The following RCL1 variants were observed in gnomAD, a reference collection of about 807,000 sequenced individuals.
RCL1 encodes the protein RNA 3'-terminal phosphate cyclase-like protein.
Under a neutral mutation model 42.4 loss-of-function variants are expected in RCL1, and 24 were observed. The ratio of observed to expected loss-of-function variants is 0.57; its 90% CI spans 0.41 to 0.80. RCL1 has a LOEUF of 0.80. Ranked by LOEUF, RCL1 falls within the 30% of genes least tolerant of loss-of-function variation. RCL1 has a pLI of 0.00. For missense variants in RCL1, 578 were observed against 467.9 expected (o/e 1.24, Z -2.17); for synonymous variants, 228 against 177.3 (o/e 1.29, Z -2.27).
At chr9:4,828,831 G>T (rs964349693) in intron 3 of RCL1, among the ~76,000 whole-genome samples, 5 of 152,144 alleles carry the variant, frequency 3.3e-5, no homozygotes, top group African/African-American at 1.2e-4. Flanking sequence ...GACCCAAAAA[G>T]TCTGTTTTCA....
At chr9:4,860,079 T>C (rs1468684998) in intron 8 of RCL1, 46 bp from the exon 9 acceptor site, 10 of 1,366,178 alleles carry the variant, frequency 7.3e-6, no homozygotes, top group Non-Finnish European at 9.8e-6. Context: ...AATTTTTTTT[T>C]GAATGAATTT....
Position 4,809,086 on chromosome 9 carries a change from A to C in RCL1, c.137-14462A>C, listed in dbSNP as rs1352091204. ...AAGAATATTATCATTATTCCATTGCAGTATATGAGCTTCTTAAGGTTTTTT... is the reference window on the plus strand; with the variant it reads ...AAGAATATTATCATTATTCCATTGCCGTATATGAGCTTCTTAAGGTTTTTT... On this transcript the variant is annotated intron_variant, in intron 1 of 8. Coordinates refer to ENST00000381750, the MANE Select transcript of RCL1 (RefSeq NM_005772.5). Among the ~76,000 whole-genome samples, 3 of 151,776 alleles carry C rather than the reference A, an allele frequency of 2.0e-5. No homozygotes were observed. In the East Asian group the frequency reaches 5.8e-4, roughly 29 times the overall value.
intron 3 of RCL1, chr9:4,827,307 G>C: frequency 8.8e-7 from 1 of 1,142,318 alleles, no homozygotes; most frequent in Non-Finnish European, 1.2e-6. Flanking sequence ...CATCATAGTT[G>C]ACATGAACTA....
intron 8 of RCL1, among the ~76,000 whole-genome samples, chr9:4,858,504 C>G (rs1010912164): frequency 4.6e-5 from 7 of 152,174 alleles, no homozygotes; most frequent in Non-Finnish European, 8.8e-5. Context: ...GCTCTTACAG[C>G]TATGACTTTG....
intron 3 of RCL1, among the ~76,000 whole-genome samples, chr9:4,828,870 GC>G (rs1245064244): frequency 3.3e-5 from 5 of 152,204 alleles, no homozygotes; most frequent in African/African-American, 9.7e-5. Context: ...GCTTTTGCCA[GC>G]TGCATGACTA....
At chr9:4,819,046 G>T (rs1002314656) in intron 1 of RCL1, among the ~76,000 whole-genome samples, 1 of 152,134 alleles carries the variant, frequency 6.6e-6, no homozygotes, top group African/African-American at 2.4e-5. Flanking sequence ...TTTAAATCAT[G>T]TTGGAATATC....
At chr9:4,820,174 T>G (rs994020935) in intron 1 of RCL1, among the ~76,000 whole-genome samples, 2 of 152,158 alleles carry the variant, frequency 1.3e-5, no homozygotes, top group South Asian at 2.1e-4. Context: ...TCCCTGAACG[T>G]TTTGAGATAC....
intron 1 of RCL1, among the ~76,000 whole-genome samples, chr9:4,815,076 A>G (rs913601084): frequency 2.6e-5 from 4 of 152,094 alleles, no homozygotes; most frequent in African/African-American, 4.8e-5. Context: ...CAGTTTAACT[A>G]TTAATATGCC....
At chr9:4,859,440 A>G (rs1357878303) in intron 8 of RCL1, among the ~76,000 whole-genome samples, 1 of 152,088 alleles carries the variant, frequency 6.6e-6, no homozygotes, top group African/African-American at 2.4e-5. Context: ...CTCCTGAGGG[A>G]AGGATTTTTA....
chr9:4,833,116 G>C (rs767509449), intron 3 of RCL1, 38 bp from the exon 4 acceptor site: 1 of 1,406,686 alleles, frequency 7.1e-7, no homozygotes, highest in Non-Finnish European at 1.0e-6. Flanking sequence ...TCTGCTGAAG[G>C]CTTAATTAAA....
Position 4,841,445 on chromosome 9 carries a change from C to T in RCL1, c.710+88C>T, listed in dbSNP as rs553970385. The T allele has an allele frequency of 1.6e-4, 169 of 1,024,856 alleles. 3 individuals are homozygous for T. In the South Asian group the frequency reaches 1.9e-3, roughly 12 times the overall value. The allele number at this position is 1,024,856 out of a possible 1,614,324, so 63.5% of individuals were successfully genotyped here. On this transcript the variant is annotated intron_variant, in intron 6 of 8. Coordinates refer to ENST00000381750, the MANE Select transcript of RCL1 (RefSeq NM_005772.5). The stretch of plus-strand genomic sequence containing the variant: ...GTTAAAACTGCCAGCTCTGAGGTTG[C>T]GCAGCCAGAGGAAGAACAATTTCAG...
chr9:4,820,917 G>A (rs1040522795), intron 1 of RCL1, among the ~76,000 whole-genome samples: 5 of 152,082 alleles, frequency 3.3e-5, no homozygotes, highest in East Asian at 1.9e-4. Context: ...GAAGTTTCAC[G>A]AACAGCATCC....
In RCL1 at chr9:4,793,035, G is replaced by C; in HGVS notation, c.-57G>C. ...CACCACCATCGGAGTCACGAGTCCC[G>C]CGTCTGTCCGAAGTCGCCGCTCTCG... On this transcript the variant is annotated 5_prime_UTR_variant, in exon 1 of 9. Coordinates refer to ENST00000381750, the MANE Select transcript of RCL1 (RefSeq NM_005772.5). 6.4e-7 allele frequency: 1 copy of C among 1,555,688 alleles called. No individual in the cohort carries two copies. The highest frequency in any genetic ancestry group is 8.7e-7 in the Non-Finnish European group (1 of 1,148,120).
At chr9:4,830,693 A>G (rs1816914484) in intron 3 of RCL1, among the ~76,000 whole-genome samples, 1 of 152,218 alleles carries the variant, frequency 6.6e-6, no homozygotes, top group African/African-American at 2.4e-5. Context: ...AGGTGTACAT[A>G]TGTATGTATG....
At chr9:4,844,754 G>C in intron 7 of RCL1, 73 bp downstream of exon 7, 1 of 1,487,294 alleles carries the variant, frequency 6.7e-7, no homozygotes, top group Non-Finnish European at 9.2e-7. Context: ...TCTCTTGGCA[G>C]CTTTCGTCCT....
chr9:4,835,093 G>T (rs1336300595), intron 5 of RCL1, among the ~76,000 whole-genome samples: 1 of 152,204 alleles, frequency 6.6e-6, no homozygotes, highest in South Asian at 2.1e-4. Flanking sequence ...GTTCTAGGGA[G>T]TGGCAAGTAA....
At chr9:4,850,267 C>T (rs1817687161) in intron 8 of RCL1, 1 of 528,246 alleles carries the variant, frequency 1.9e-6, no homozygotes, top group Non-Finnish European at 3.9e-6. Flanking sequence ...AGCTGGGTGG[C>T]AGGGAATATT....
intron 7 of RCL1, among the ~76,000 whole-genome samples, chr9:4,848,858 G>C (rs1817611460): frequency 6.6e-6 from 1 of 152,116 alleles, no homozygotes; most frequent in East Asian, 1.9e-4. Context: ...AAGAATAAAG[G>C]GATCTAACCT....
In RCL1 at chr9:4,793,209, G is replaced by A. The variant is rs762694990; in HGVS notation, c.118G>A (p.Asp40Asn). The change falls in exon 1 of 9, where the codon GAC (aspartate) becomes AAC (asparagine). Residue 40 changes from aspartate (D) to asparagine (N), a missense_variant. Coordinates refer to ENST00000381750, the MANE Select transcript of RCL1 (RefSeq NM_005772.5). ...VKIRKIRARD[D>N]NPGLRDFEAS... ...AATCCGAAAGATTCGGGCCAGAGACGACAACCCGGGCCTCCGAGGTAACTT... is the reference window on the plus strand; with the variant it reads ...AATCCGAAAGATTCGGGCCAGAGACAACAACCCGGGCCTCCGAGGTAACTT... 36 of 1,603,268 alleles carry A rather than the reference G, an allele frequency of 2.2e-5. 1 individual carries two copies. Among genetic ancestry groups the A allele is most frequent in the East Asian group, 1.4e-4 (6 of 44,308 alleles).
Sources: allele counts gnomAD v4.1 joint callset (sites outside exome capture counted in the v4.1 genomes callset), GRCh38; gene constraint gnomAD v4.1.1; transcripts MANE v1.5; gene names NCBI Gene and HGNC (gene_info 2026-07-23, HGNC 2026-07-21).